The following GRIA4 variants were observed in gnomAD, a reference collection of about 807,000 sequenced individuals.
GRIA4 encodes the protein glutamate ionotropic receptor AMPA type subunit 4.
GRIA4 carries 34 observed loss-of-function variants against 104.0 expected under a neutral mutation model. The ratio of observed to expected loss-of-function variants is 0.33; its 90% CI spans 0.25 to 0.44. The LOEUF is 0.44. GRIA4 is among the 20% of genes least tolerant of loss of function. The probability of loss-of-function intolerance (pLI) is 1.00; values close to 1 mark genes in which losing one functional copy is unlikely to be tolerated. For synonymous variants in GRIA4, 386 were observed against 381.9 expected (o/e 1.01, Z -0.13); for missense variants, 750 against 1,096.5 (o/e 0.68, Z 4.46).
chr11:105,865,914 C>G (rs1170159154), intron 5 of GRIA4, among the ~76,000 whole-genome samples: 1 of 152,160 alleles, frequency 6.6e-6, no homozygotes, highest in Non-Finnish European at 1.5e-5. Context: ...ACCCAAGGGT[C>G]CAGCAGCTAG....
chr11:105,922,470 T>C (rs1947591507), intron 11 of GRIA4, among the ~76,000 whole-genome samples: 1 of 152,138 alleles, frequency 6.6e-6, no homozygotes, highest in African/African-American at 2.4e-5. Context: ...TTAAAGCATG[T>C]GTTAGGATTT....
intron 4 of GRIA4, among the ~76,000 whole-genome samples, chr11:105,807,346 C>G (rs1021012796): frequency 2.6e-5 from 4 of 151,762 alleles, no homozygotes; most frequent in African/African-American, 9.7e-5. Flanking sequence ...TAGCTCAGTC[C>G]TCATCTTTTA....
chr11:105,649,742 T>C (rs987177898), intron 3 of GRIA4, among the ~76,000 whole-genome samples: 1 of 152,134 alleles, frequency 6.6e-6, no homozygotes, highest in Non-Finnish European at 1.5e-5. Flanking sequence ...AATTTTATTA[T>C]ATTTATCAAG....
chr11:105,960,365 C>G (rs1243315753), intron 14 of GRIA4, among the ~76,000 whole-genome samples: 1 of 152,182 alleles, frequency 6.6e-6, no homozygotes, highest in Non-Finnish European at 1.5e-5. Context: ...GAATGGGTCA[C>G]GATTAGGCCT....
At chr11:105,959,425 T>C (rs1255569514) in intron 14 of GRIA4, among the ~76,000 whole-genome samples, 1 of 152,216 alleles carries the variant, frequency 6.6e-6, no homozygotes, top group South Asian at 2.1e-4. Flanking sequence ...CTTCACAAAG[T>C]TCTCATGCTG....
In GRIA4 at chr11:105,903,872, T is replaced by C; in HGVS notation, c.944T>C (p.Leu315Pro). ...GTGATGGCTGAAACTTTCCGAAGTC[T>C]TAGGAGGCAGAAAATTGATATCTCA... ...VLVMAETFRS[L>P]RRQKIDISRR... The change falls in exon 8 of 17, where the codon CTT becomes CCT. Residue 315 changes from leucine to proline, a missense_variant. By Grantham distance (98) the Leu-to-Pro change is moderately conservative. This residue lies in a region of GRIA4 where 410 missense variants were observed against 502.7 expected (regional missense o/e 0.82). Coordinates refer to ENST00000282499, the MANE Select transcript of GRIA4 (RefSeq NM_000829.4). 1.2e-6 allele frequency: 2 copies of C among 1,612,558 alleles called. No homozygotes were observed. Among genetic ancestry groups the C allele is most frequent in the Non-Finnish European group, 1.7e-6 (2 of 1,178,598 alleles).
At chr11:105,794,261 G>A (rs1942351834) in intron 4 of GRIA4, among the ~76,000 whole-genome samples, 1 of 151,108 alleles carries the variant, frequency 6.6e-6, no homozygotes, top group South Asian at 2.1e-4. Context: ...GCAAAAAGAG[G>A]AACATTCATG....
At chr11:105,623,053 G>GTGTA (rs1162148034) in intron 3 of GRIA4, among the ~76,000 whole-genome samples, 3 of 127,688 alleles carry the variant, frequency 2.3e-5, no homozygotes, top group Non-Finnish European at 5.1e-5. Flanking sequence ...GTATTCCATT[G>GTGTA]TATATATATA....
intron 3 of GRIA4, among the ~76,000 whole-genome samples, chr11:105,727,608 G>A (rs1222860141): frequency 2.0e-5 from 3 of 152,148 alleles, no homozygotes; most frequent in Non-Finnish European, 2.9e-5. Context: ...AGGAAAAAAT[G>A]TTAAGGGCAG....
At chr11:105,859,984 G>T (rs892861620) in intron 4 of GRIA4, among the ~76,000 whole-genome samples, 1 of 152,072 alleles carries the variant, frequency 6.6e-6, no homozygotes, top group African/African-American at 2.4e-5. Context: ...TGTCGAATGG[G>T]AAACAAGAGA....
intron 5 of GRIA4, among the ~76,000 whole-genome samples, chr11:105,866,551 G>GTATACATATATATA (rs1945423358): frequency 1.3e-5 from 1 of 76,752 alleles, no homozygotes; most frequent in African/African-American, 6.5e-5. Flanking sequence ...GTGTGTGTGT[G>GTATACATATATATA]TATATATATA....
rs543527433 is a variant in GRIA4, at chr11:105,804,829, G to C, written c.487+51609G>C. ...TGAAAGCCACTGGCAAGTTGTATTA[G>C]ATGTAAAGATCATTGCAGTGGGATT... On this transcript the variant is annotated intron_variant, in intron 4 of 16. Coordinates refer to ENST00000282499, the MANE Select transcript of GRIA4 (RefSeq NM_000829.4). 2.0e-5 allele frequency among the ~76,000 whole-genome samples: 3 copies of C among 152,074 alleles called. No homozygotes were observed. The South Asian group carries it at 6.2e-4, about 31-fold the overall frequency.
intron 14 of GRIA4, among the ~76,000 whole-genome samples, chr11:105,958,170 G>A (rs1948639476): frequency 1.3e-5 from 2 of 152,168 alleles, no homozygotes; most frequent in Admixed American, 6.5e-5. Flanking sequence ...TGGTGAGAGA[G>A]GGCACCCCTG....
At chr11:105,661,884 C>A (rs1395054119) in intron 3 of GRIA4, among the ~76,000 whole-genome samples, 1 of 151,592 alleles carries the variant, frequency 6.6e-6, no homozygotes, top group Non-Finnish European at 1.5e-5. Context: ...TTCTTAATCA[C>A]GCTTATATAT....
chr11:105,860,212 A>C (rs1165524216), intron 4 of GRIA4, among the ~76,000 whole-genome samples: 1 of 152,190 alleles, frequency 6.6e-6, no homozygotes, highest in Non-Finnish European at 1.5e-5. Context: ...AGGATATCAG[A>C]TAATTTATAT....
chr11:105,792,663 T>C (rs985433369), intron 4 of GRIA4, among the ~76,000 whole-genome samples: 5 of 152,138 alleles, frequency 3.3e-5, no homozygotes, highest in African/African-American at 1.2e-4. Context: ...TTTCTTCCAA[T>C]AAATATCAAT....
At chr11:105,969,079 G>C (rs951901751) in intron 14 of GRIA4, among the ~76,000 whole-genome samples, 7 of 152,148 alleles carry the variant, frequency 4.6e-5, no homozygotes, top group Non-Finnish European at 1.0e-4. Flanking sequence ...TTTTGTAAGT[G>C]TTATTATACC....
chr11:105,612,553 G>A, intron 3 of GRIA4, 119 bp downstream of exon 3: 1 of 728,010 alleles, frequency 1.4e-6, no homozygotes, highest in Non-Finnish European at 2.2e-6. Context: ...CAGTTGCCTG[G>A]TTTCAGGACA....
rs367633508 is a variant in GRIA4, at chr11:105,674,001, A to T, written c.247+61567A>T. 5.3e-5 allele frequency among the ~76,000 whole-genome samples: 8 copies of T among 152,150 alleles called. No homozygotes were observed. The East Asian group carries it at 1.4e-3, about 26-fold the overall frequency. On this transcript the variant is annotated intron_variant, in intron 3 of 16. Coordinates refer to ENST00000282499, the MANE Select transcript of GRIA4 (RefSeq NM_000829.4). ...TAATGTACTGAGATTCAAAGAAAAGAGTTCTTAACAATTATCTGCATATGT... is the reference window on the plus strand; with the variant it reads ...TAATGTACTGAGATTCAAAGAAAAGTGTTCTTAACAATTATCTGCATATGT...
Sources: allele counts gnomAD v4.1 joint callset (sites outside exome capture counted in the v4.1 genomes callset), GRCh38; gene constraint gnomAD v4.1.1; regional missense constraint gnomAD v4.1.1; transcripts MANE v1.5; gene names NCBI Gene and HGNC (gene_info 2026-07-23, HGNC 2026-07-21).